The following PAK2 variants were observed in gnomAD, a reference collection of about 807,000 sequenced individuals.
The protein encoded by PAK2 is serine/threonine-protein kinase PAK 2.
In PAK2, 21 loss-of-function variants were observed where a neutral mutation model predicts 65.9. That is an observed-to-expected ratio of 0.32 (90% CI 0.23 to 0.46). The LOEUF (loss-of-function observed/expected upper bound fraction) is 0.46, where lower values mean the gene tolerates loss of function less well. PAK2 is among the 20% of genes least tolerant of loss of function. PAK2 has a pLI of 1.00. For synonymous variants in PAK2, 204 were observed against 219.7 expected (o/e 0.93, Z 0.63); for missense variants, 324 against 642.6 (o/e 0.50, Z 5.36).
intron 11 of PAK2, among the ~76,000 whole-genome samples, chr3:196,817,502 C>G (rs942414895): frequency 6.6e-6 from 1 of 152,094 alleles, no homozygotes; most frequent in African/African-American, 2.4e-5. Flanking sequence ...AGGTGCACAC[C>G]ACCACACCCA....
chr3:196,788,463 C>T (rs117208243), intron 2 of PAK2, among the ~76,000 whole-genome samples: 2,314 of 152,208 alleles, frequency 0.015, 104 homozygotes, highest in Admixed American at 0.097. Context: ...CCAAAAAACT[C>T]GAAAATTATC....
At chr3:196,805,050 C>T (rs1211037289) in intron 4 of PAK2, among the ~76,000 whole-genome samples, 2 of 151,956 alleles carry the variant, frequency 1.3e-5, no homozygotes, top group Non-Finnish European at 2.9e-5. Flanking sequence ...GATAGGTATA[C>T]TTTCAAACTA....
intron 2 of PAK2, among the ~76,000 whole-genome samples, chr3:196,800,140 G>A (rs1169090173): frequency 6.6e-6 from 1 of 152,252 alleles, no homozygotes; most frequent in Admixed American, 6.5e-5. Context: ...CAGCACTTTG[G>A]CAAGCCAAAG....
chr3:196,779,373 A>G (rs1472200503), intron 1 of PAK2, among the ~76,000 whole-genome samples: 1 of 152,180 alleles, frequency 6.6e-6, no homozygotes, highest in Admixed American at 6.5e-5. Flanking sequence ...TTCTGACACT[A>G]CAGCGTGCTC....
chr3:196,789,468 AATTTTTC>A (rs1714996355), intron 2 of PAK2, among the ~76,000 whole-genome samples: 1 of 129,994 alleles, frequency 7.7e-6, no homozygotes, highest in Non-Finnish European at 1.6e-5. Context: ...CATGGAAAAC[AATTTTTC>A]TTTTTTCTTT....
At chr3:196,802,369 C>A (rs1398768334) in intron 3 of PAK2, among the ~76,000 whole-genome samples, 2 of 152,168 alleles carry the variant, frequency 1.3e-5, no homozygotes, top group Non-Finnish European at 2.9e-5. Flanking sequence ...CCATTGCACT[C>A]CAGCCTGGGC....
intron 2 of PAK2, among the ~76,000 whole-genome samples, chr3:196,789,953 C>T (rs1013347361): frequency 1.3e-5 from 2 of 152,150 alleles, no homozygotes; most frequent in African/African-American, 2.4e-5. Flanking sequence ...CAGGAGGTGG[C>T]GCTCAGGCGG....
At chr3:196,778,764 A>G (rs1200954550) in intron 1 of PAK2, among the ~76,000 whole-genome samples, 1 of 152,004 alleles carries the variant, frequency 6.6e-6, no homozygotes, top group Non-Finnish European at 1.5e-5. Flanking sequence ...ACAGTTTCTC[A>G]GTCTTGTTTT....
intron 1 of PAK2, among the ~76,000 whole-genome samples, chr3:196,754,557 T>C (rs1292682380): frequency 6.6e-6 from 1 of 152,152 alleles, no homozygotes; most frequent in Non-Finnish European, 1.5e-5. Flanking sequence ...TCTTTGTGAG[T>C]CTGAACTGAT....
chr3:196,810,537 T>C (rs1418511540), intron 7 of PAK2, 53 bp from the exon 8 acceptor site: 2 of 907,548 alleles, frequency 2.2e-6, no homozygotes, highest in Non-Finnish European at 3.7e-6. Context: ...AATATCACAA[T>C]CAATTTACAC....
intron 1 of PAK2, 99 bp downstream of exon 1, chr3:196,740,256 C>G (rs915607139): frequency 6.6e-6 from 1 of 152,206 alleles, no homozygotes; most frequent in Non-Finnish European, 1.5e-5. Context: ...CCGGGACGGC[C>G]GACCTGCCCC....
intron 2 of PAK2, among the ~76,000 whole-genome samples, chr3:196,792,660 C>T (rs9873112): frequency 0.8 from 121,578 of 152,164 alleles, 48,779 homozygotes; most frequent in Admixed American, 0.87. Flanking sequence ...CATTTCCAGT[C>T]TTATATGTAT....
chr3:196,814,976 G>A (rs1034907130), intron 11 of PAK2, among the ~76,000 whole-genome samples: 9 of 150,968 alleles, frequency 6.0e-5, no homozygotes, highest in Admixed American at 2.6e-4. Context: ...TCAGGAGATC[G>A]AGACCATCCT....
intron 14 of PAK2, 102 bp downstream of exon 14, chr3:196,827,435 C>G: frequency 6.6e-7 from 1 of 1,518,210 alleles, no homozygotes; most frequent in South Asian, 1.4e-5. Context: ...ACTCATTGAT[C>G]ACCAGCGGTA....
chr3:196,767,746 G>A lies in PAK2; in HGVS notation c.-21-14880G>A, dbSNP rs192631812. 7.4e-4 allele frequency among the ~76,000 whole-genome samples: 112 copies of A among 152,154 alleles called. 3 individuals carry two copies. The highest frequency in any genetic ancestry group is 2.6e-3 in the African/African-American group (107 of 41,446). On this transcript the variant is annotated intron_variant, in intron 1 of 14. Coordinates refer to ENST00000327134, the MANE Select transcript of PAK2 (RefSeq NM_002577.4). ...CCTGACCTCGTGATCCGCCCGCTTC[G>A]GCCTCCCAGAGTGCTGGGATTACAG...
chr3:196,802,117 G>A, intron 3 of PAK2, 90 bp downstream of exon 3: 3 of 772,750 alleles, frequency 3.9e-6, no homozygotes, highest in East Asian at 2.6e-5. Context: ...TAACATTTCA[G>A]GCCAGGTGCG....
rs1711599052 is a variant in PAK2, at chr3:196,820,050, C to T, written c.1154-321C>T. Among the ~76,000 whole-genome samples the T allele has an allele frequency of 6.6e-6, 1 of 152,152 alleles. No individual in the cohort carries two copies. Among genetic ancestry groups the T allele is most frequent in the African/African-American group, 2.4e-5 (1 of 41,422 alleles). ...CATGACCTGACCTTTACCTGATTCA[C>T]TGCATTTAGTTTTGGTGTCTACTTT... On this transcript the variant is annotated intron_variant, in intron 12 of 14. Coordinates refer to ENST00000327134, the MANE Select transcript of PAK2 (RefSeq NM_002577.4). This position sits in a 1 kb window ranked among gnomAD's most constrained non-coding sequence, Gnocchi z 4.6.
Position 196,827,629 on chromosome 3 carries a change from G to A in PAK2, c.1488+296G>A, listed in dbSNP as rs569065491. ...GGGGTGGGGGGAGTGGGGAGGGATA[G>A]CATTAGGAGATATACCTAATGTAAA... On this transcript the variant is annotated intron_variant, in intron 14 of 14. Coordinates refer to ENST00000327134, the MANE Select transcript of PAK2 (RefSeq NM_002577.4). 3.5e-3 allele frequency among the ~76,000 whole-genome samples: 539 copies of A among 152,122 alleles called. 2 individuals carry two copies. The highest frequency in any genetic ancestry group is 5.5e-3 in the Non-Finnish European group (375 of 68,006).
In PAK2 at chr3:196,774,717, G is replaced by GTCCT. The variant is rs1714481062; in HGVS notation, c.-21-7909_-21-7908insTCCT. Among the ~76,000 whole-genome samples the GTCCT allele has an allele frequency of 5.9e-5, 9 of 152,256 alleles. No homozygotes were observed. In the South Asian group the frequency reaches 1.9e-3, roughly 32 times the overall value. ...TTAGTCCTCAGTCTGTAGGTTATGG[G>GTCCT]CAGCTAGTCAGGACGATGTGTAGCC... On this transcript the variant is annotated intron_variant, in intron 1 of 14. Coordinates refer to ENST00000327134, the MANE Select transcript of PAK2 (RefSeq NM_002577.4).
Sources: allele counts gnomAD v4.1 joint callset (sites outside exome capture counted in the v4.1 genomes callset), GRCh38; gene constraint gnomAD v4.1.1; non-coding constraint Gnocchi (gnomAD v3.1); transcripts MANE v1.5; gene names NCBI Gene and HGNC (gene_info 2026-07-23, HGNC 2026-07-21).